FLRT2: variants seen among roughly 807,000 people sequenced by gnomAD.
The protein encoded by FLRT2 is fibronectin leucine rich transmembrane protein 2.
A neutral mutation model predicts 40.0 loss-of-function variants in FLRT2; 15 were observed. The observed-to-expected ratio is 0.38, with a 90% CI of 0.25 to 0.58. The LOEUF (loss-of-function observed/expected upper bound fraction) is 0.58. FLRT2 is among the 20% of genes least tolerant of loss of function. The pLI is 0.71. For synonymous variants in FLRT2, 380 were observed against 336.8 expected (o/e 1.13, Z -1.41); for missense variants, 726 against 840.0 (o/e 0.86, Z 1.68).
intron 1 of FLRT2, among the ~76,000 whole-genome samples, chr14:85,533,458 GCA>G (rs1454520228): frequency 1.3e-5 from 2 of 151,970 alleles, no homozygotes; most frequent in Non-Finnish European, 2.9e-5. Context: ...CGAGCTGTCC[GCA>G]CACACGCGTC....
At chr14:85,619,308 C>A (rs1893279969) in intron 1 of FLRT2, among the ~76,000 whole-genome samples, 1 of 151,960 alleles carries the variant, frequency 6.6e-6, no homozygotes, top group South Asian at 2.1e-4. Flanking sequence ...TGGTCTCGAA[C>A]TCCTGGGCTC....
At position 85,600,212 on chromosome 14, in the gene FLRT2, C is replaced by T. The variant is rs530279123; in HGVS notation, c.-376-20927C>T. Among the ~76,000 whole-genome samples, 5 of 152,098 alleles carry T rather than the reference C, an allele frequency of 3.3e-5. No homozygotes were observed. The South Asian group carries it at 8.3e-4, about 25-fold the overall frequency. Reference sequence around the variant, plus strand: ...TTTACTGTAACAAAAGATGTTGATGCCATTGGTCAAAATGGAGAAGTCAGA... The same window carrying T: ...TTTACTGTAACAAAAGATGTTGATGTCATTGGTCAAAATGGAGAAGTCAGA... On this transcript the variant is annotated intron_variant, in intron 1 of 1. Coordinates refer to ENST00000330753, the MANE Select transcript of FLRT2 (RefSeq NM_013231.6).
chr14:85,621,384 C>T lies in FLRT2; in HGVS notation c.-131C>T. On this transcript the variant is annotated 5_prime_UTR_variant, in exon 2 of 2. Transcript: ENST00000330753. ...CAGGGAGATTATTTTACCATACGCC[C>T]TCAGGACGTTCCCTCTAGCTGGAGT... The T allele has an allele frequency of 2.6e-6, 2 of 776,602 alleles. No homozygotes were observed. The highest frequency in any genetic ancestry group is 4.0e-6 in the Non-Finnish European group (2 of 497,054). 48.1% of individuals were successfully genotyped at this position (776,602 alleles called of 1,614,324 possible).
At chr14:85,552,272 C>A (rs560939090) in intron 1 of FLRT2, among the ~76,000 whole-genome samples, 1 of 152,140 alleles carries the variant, frequency 6.6e-6, no homozygotes, top group African/African-American at 2.4e-5. Context: ...TAGGTACCTT[C>A]GCTGCTTCAT....
In FLRT2 at chr14:85,639,378, C is replaced by T. The variant is rs967937771; in HGVS notation, c.*15881C>T. 6.6e-6 allele frequency: 1 copy of T among 152,034 alleles called. No homozygotes were observed. Among genetic ancestry groups the T allele is most frequent in the East Asian group, 1.9e-4 (1 of 5,178 alleles). 9.4% of individuals were successfully genotyped at this position (152,034 alleles called of 1,614,324 possible). On this transcript the variant is annotated 3_prime_UTR_variant, in exon 2 of 2. Transcript: ENST00000330753. ...TGATTTATGGTTTTAAAATAAGCAGCTTTTCTTGAAAGTAGTTTACCGGGT... is the reference window on the plus strand; with the variant it reads ...TGATTTATGGTTTTAAAATAAGCAGTTTTTCTTGAAAGTAGTTTACCGGGT...
chr14:85,560,580 C>G (rs2139843546), intron 1 of FLRT2, among the ~76,000 whole-genome samples: 1 of 149,226 alleles, frequency 6.7e-6, no homozygotes, highest in East Asian at 2.0e-4. Context: ...GACTCCATCT[C>G]AAAAATAAAT....
chr14:85,553,806 G>A (rs1489887591), intron 1 of FLRT2, among the ~76,000 whole-genome samples: 1 of 152,082 alleles, frequency 6.6e-6, no homozygotes, highest in African/African-American at 2.4e-5. Context: ...TGTCACTTTG[G>A]GTAAGGATAG....
At chr14:85,561,796 A>G (rs1344483031) in intron 1 of FLRT2, among the ~76,000 whole-genome samples, 1 of 152,258 alleles carries the variant, frequency 6.6e-6, no homozygotes, top group Non-Finnish European at 1.5e-5. Context: ...AAAATGTATC[A>G]TAAAGTAACC....
At chr14:85,570,422 T>C (rs1890833958) in intron 1 of FLRT2, among the ~76,000 whole-genome samples, 1 of 152,192 alleles carries the variant, frequency 6.6e-6, no homozygotes, top group Non-Finnish European at 1.5e-5. Context: ...TACATTTAGC[T>C]ATCAATTATT....
At position 85,633,107 on chromosome 14, in the gene FLRT2, G is replaced by C. The variant is rs1157445868; in HGVS notation, c.*9610G>C. 6.6e-6 allele frequency: 1 copy of C among 152,114 alleles called. No individual in the cohort carries two copies. Among genetic ancestry groups the C allele is most frequent in the Non-Finnish European group, 1.5e-5 (1 of 68,036 alleles). The allele number at this position is 152,114 out of a possible 1,614,324, so 9.4% of individuals were successfully genotyped here. Reference sequence around the variant, plus strand: ...GAAAATCAAATTTCTTGTGTATTGGGGTAAGAATTACATGTAGAGATGATC... The same window carrying C: ...GAAAATCAAATTTCTTGTGTATTGGCGTAAGAATTACATGTAGAGATGATC... On this transcript the variant is annotated 3_prime_UTR_variant, in exon 2 of 2. Coordinates refer to ENST00000330753, the MANE Select transcript of FLRT2 (RefSeq NM_013231.6).
At position 85,652,851 on chromosome 14, in the gene FLRT2, T is replaced by C. The variant is rs1894467299; in HGVS notation, c.*29354T>C. 1 of 152,218 alleles carries C rather than the reference T, an allele frequency of 6.6e-6. No homozygotes were observed. Among genetic ancestry groups the C allele is most frequent in the Admixed American group, 6.5e-5 (1 of 15,278 alleles). 9.4% of individuals were successfully genotyped at this position (152,218 alleles called of 1,614,324 possible). On this transcript the variant is annotated 3_prime_UTR_variant, in exon 2 of 2. Transcript: ENST00000330753. ...AATCTTCCCCTCTAGGAGATTAAAGTATTTTTTGCTCATTAATCAATGTAA... is the reference window on the plus strand; with the variant it reads ...AATCTTCCCCTCTAGGAGATTAAAGCATTTTTTGCTCATTAATCAATGTAA...
intron 1 of FLRT2, among the ~76,000 whole-genome samples, chr14:85,619,242 C>G (rs747602197): frequency 5.3e-5 from 8 of 151,922 alleles, no homozygotes; most frequent in Non-Finnish European, 8.8e-5. Flanking sequence ...TACCACCGCA[C>G]CTGGCTAATT....
chr14:85,582,146 T>C (rs1891415903), intron 1 of FLRT2, among the ~76,000 whole-genome samples: 1 of 152,202 alleles, frequency 6.6e-6, no homozygotes, highest in Non-Finnish European at 1.5e-5. Context: ...TTAGATCCTG[T>C]AGATTGATGG....
chr14:85,543,300 G>A (rs909882457), intron 1 of FLRT2, among the ~76,000 whole-genome samples: 3 of 152,088 alleles, frequency 2.0e-5, no homozygotes, highest in African/African-American at 4.8e-5. Context: ...GCTTTTTATA[G>A]TTGTCTGACT....
intron 1 of FLRT2, chr14:85,560,761 A>C (rs1161208787): frequency 6.6e-6 from 1 of 151,916 alleles, no homozygotes; most frequent in Non-Finnish European, 1.5e-5. Flanking sequence ...AAAAATTAGA[A>C]GGCACAATAT....
chr14:85,649,671 T>C lies in FLRT2; in HGVS notation c.*26174T>C, dbSNP rs1304015513. The C allele has an allele frequency of 6.6e-6, 1 of 152,140 alleles. No homozygotes were observed. The highest frequency in any genetic ancestry group is 2.4e-5 in the African/African-American group (1 of 41,452). 9.4% of individuals were successfully genotyped at this position (152,140 alleles called of 1,614,324 possible). A position where few individuals can be genotyped will look rare whatever the true frequency, so the allele number is the denominator to read the frequency against. On this transcript the variant is annotated 3_prime_UTR_variant, in exon 2 of 2. Coordinates refer to ENST00000330753, the MANE Select transcript of FLRT2 (RefSeq NM_013231.6). ...AATTCTTTCATACTGGAATTTGTGA[T>C]ACTATCCACACTTTTCCTCACTATA...
chr14:85,622,392 A>C lies in FLRT2; in HGVS notation c.878A>C (p.Gln293Pro), dbSNP rs1893437513. 6.2e-7 allele frequency: 1 copy of C among 1,613,984 alleles called. No homozygotes were observed. The highest frequency in any genetic ancestry group is 1.1e-5 in the South Asian group (1 of 91,084). The change falls in exon 2 of 2, where the codon CAA (glutamine) becomes CCA (proline). Residue 293 changes from glutamine to proline, a missense_variant. Coordinates refer to ENST00000330753, the MANE Select transcript of FLRT2 (RefSeq NM_013231.6). Reference sequence around the variant, plus strand: ...AACAACCAACTGCGGATGCTGACTCAAGGGGTTTTTGATAATCTCTCCAAC... The same window carrying C: ...AACAACCAACTGCGGATGCTGACTCCAGGGGTTTTTGATAATCTCTCCAAC... ...ISNNQLRMLT[Q>P]GVFDNLSNLK... is the part of the protein sequence containing the mutation.
intron 1 of FLRT2, among the ~76,000 whole-genome samples, chr14:85,573,456 C>T (rs977891010): frequency 3.3e-5 from 5 of 152,144 alleles, no homozygotes; most frequent in South Asian, 2.1e-4. Context: ...AAGCAGTTTA[C>T]GCCTGTTGAG....
In FLRT2 at chr14:85,639,836, A is replaced by AT. The variant is rs1171410127; in HGVS notation, c.*16352dup. The AT allele has an allele frequency of 0.18, 22,094 of 120,402 alleles. 2,148 individuals are homozygous for AT. Among genetic ancestry groups the AT allele is most frequent in the Non-Finnish European group, 0.24 (14,120 of 59,942 alleles). The allele number at this position is 120,402 out of a possible 1,614,324, so 7.5% of individuals were successfully genotyped here. ...GGTGCTTCACTAGCAGAAATTCTTT[A>AT]TTTTTTTTTTTTTCCTTTTTTTTTT... On this transcript the variant is annotated 3_prime_UTR_variant, in exon 2 of 2. Transcript: ENST00000330753.
Sources: allele counts gnomAD v4.1 joint callset (sites outside exome capture counted in the v4.1 genomes callset), GRCh38; gene constraint gnomAD v4.1.1; transcripts MANE v1.5; gene names NCBI Gene and HGNC (gene_info 2026-07-23, HGNC 2026-07-21).